NAALADL2: variants seen among roughly 807,000 people sequenced by gnomAD.
NAALADL2 encodes N-acetylated alpha-linked acidic dipeptidase like 2, also known as inactive N-acetylated-alpha-linked acidic dipeptidase-like protein 2.
In NAALADL2, 76 loss-of-function variants were observed where a neutral mutation model predicts 87.2. That is an observed-to-expected ratio of 0.87 (90% CI 0.72 to 1.05). The LOEUF (loss-of-function observed/expected upper bound fraction) is 1.05, where lower values mean the gene tolerates loss of function less well. NAALADL2 is among the 50% of genes least tolerant of loss of function. The pLI, the probability that NAALADL2 is intolerant of heterozygous loss-of-function variation, is 0.00. For missense variants in NAALADL2, 1,089 were observed against 945.8 expected, an observed-to-expected ratio of 1.15 and a Z score of -1.99; for synonymous variants, 354 against 331.0, an observed-to-expected ratio of 1.07 and a Z score of -0.75.
At chr3:175,651,571 C>T (rs1436747107) in intron 11 of NAALADL2, among the ~76,000 whole-genome samples, 1 of 152,118 alleles carries the variant, frequency 6.6e-6, no homozygotes, top group Non-Finnish European at 1.5e-5. Context: ...ATAGGAACAA[C>T]ATAACAGAAG....
intron 1 of NAALADL2, among the ~76,000 whole-genome samples, chr3:175,039,564 C>T (rs985011077): frequency 4.6e-5 from 7 of 152,000 alleles, no homozygotes; most frequent in East Asian, 1.9e-4. Flanking sequence ...TAGTCTCCTT[C>T]GTAGTTGATC....
chr3:175,115,869 T>G (rs1725043097), intron 2 of NAALADL2, among the ~76,000 whole-genome samples: 1 of 151,696 alleles, frequency 6.6e-6, no homozygotes, highest in Non-Finnish European at 1.5e-5. Context: ...CAGCAGCACA[T>G]CAAAAAGCTT....
intron 2 of NAALADL2, among the ~76,000 whole-genome samples, chr3:175,106,960 A>G (rs1337884156): frequency 2.6e-5 from 4 of 152,034 alleles, no homozygotes; most frequent in Admixed American, 2.0e-4. Context: ...AATTTTTCCA[A>G]TGGATATTTC....
chr3:175,130,315 A>G (rs1599411), intron 2 of NAALADL2, among the ~76,000 whole-genome samples: 83,600 of 151,854 alleles, frequency 0.55, 23,590 homozygotes, highest in African/African-American at 0.67. Context: ...TTTGTTGATT[A>G]TTTCCTTGCT....
intron 2 of NAALADL2, among the ~76,000 whole-genome samples, chr3:175,105,130 A>T (rs1323261511): frequency 6.6e-6 from 1 of 152,148 alleles, no homozygotes; most frequent in Non-Finnish European, 1.5e-5. Context: ...GATCTGGCTC[A>T]GGTGCCCACT....
intron 3 of NAALADL2, among the ~76,000 whole-genome samples, chr3:174,784,901 A>G (rs925833104): frequency 1.3e-5 from 2 of 152,202 alleles, no homozygotes; most frequent in Non-Finnish European, 2.9e-5. Flanking sequence ...TGTCTGGAAT[A>G]TTTCATTTAA....
intron 11 of NAALADL2, among the ~76,000 whole-genome samples, chr3:175,695,249 A>G (rs1737603549): frequency 1.3e-5 from 2 of 152,166 alleles, no homozygotes; most frequent in South Asian, 4.1e-4. Context: ...AATATTCTCA[A>G]ACTGTAGATG....
chr3:175,448,338 G>T (rs1449753507), intron 6 of NAALADL2, among the ~76,000 whole-genome samples: 2 of 152,208 alleles, frequency 1.3e-5, no homozygotes, highest in African/African-American at 2.4e-5. Context: ...TTTTGTTTCT[G>T]CCATTTATTC....
chr3:175,346,229 C>T lies in NAALADL2; in HGVS notation c.1090+21904C>T, dbSNP rs762750125. Among the ~76,000 whole-genome samples the T allele has an allele frequency of 2.0e-4, 30 of 151,940 alleles. 1 individual carries two copies. The highest frequency in any genetic ancestry group is 1.6e-3 in the Admixed American group (25 of 15,256). On this transcript the variant is annotated intron_variant, in intron 5 of 13. Transcript: ENST00000454872. Reference sequence around the variant, plus strand: ...AAAGAAGCCTTCTGAAATTCTGCCACACAGAGATAAACTTCACTGATTTTT... The same window carrying T: ...AAAGAAGCCTTCTGAAATTCTGCCATACAGAGATAAACTTCACTGATTTTT...
intron 1 of NAALADL2, among the ~76,000 whole-genome samples, chr3:175,085,261 G>A (rs1370020774): frequency 6.6e-6 from 1 of 152,098 alleles, no homozygotes; most frequent in Non-Finnish European, 1.5e-5. Context: ...TCGTTCTGAT[G>A]TTAACTTACT....
At chr3:174,843,527 C>T (rs1361847549) in intron 3 of NAALADL2, among the ~76,000 whole-genome samples, 1 of 152,106 alleles carries the variant, frequency 6.6e-6, no homozygotes, top group Non-Finnish European at 1.5e-5. Context: ...TTTCAACATA[C>T]TAATTTCACT....
rs570498861 is a variant in NAALADL2 at position 175,233,163 on chromosome 3, A to G, written c.546-768A>G. Among the ~76,000 whole-genome samples, 32 of 152,316 alleles carry G rather than the reference A, an allele frequency of 2.1e-4. No homozygotes were observed. In the East Asian group the frequency reaches 6.2e-3, roughly 29 times the overall value. ...AAACATTGTGCTCATAGCATCATGTAATTTGGCATAAAATTTGTATCTAAA... is the reference window on the plus strand; with the variant it reads ...AAACATTGTGCTCATAGCATCATGTGATTTGGCATAAAATTTGTATCTAAA... On this transcript the variant is annotated intron_variant, in intron 2 of 13. Coordinates refer to ENST00000454872, the MANE Select transcript of NAALADL2 (RefSeq NM_207015.3).
intron 5 of NAALADL2, among the ~76,000 whole-genome samples, chr3:175,370,151 G>C (rs11920100): frequency 0.068 from 10,353 of 152,116 alleles, 682 homozygotes; most frequent in African/African-American, 0.17. Flanking sequence ...CAAACTCTGA[G>C]TAAAATGGAG....
At chr3:175,210,278 A>G (rs1018614094) in intron 2 of NAALADL2, among the ~76,000 whole-genome samples, 1 of 151,840 alleles carries the variant, frequency 6.6e-6, no homozygotes, top group East Asian at 1.9e-4. Context: ...TATAAAGCAT[A>G]TTGTTTTTGC....
At chr3:174,573,625 G>A (rs1715176605) in intron 2 of NAALADL2, among the ~76,000 whole-genome samples, 2 of 152,142 alleles carry the variant, frequency 1.3e-5, no homozygotes, top group Non-Finnish European at 1.5e-5. Context: ...ATTGCAGAAA[G>A]TGAACAAGAG....
chr3:174,916,821 A>G (rs1255343771), intron 1 of NAALADL2, among the ~76,000 whole-genome samples: 2 of 152,124 alleles, frequency 1.3e-5, no homozygotes, highest in East Asian at 3.9e-4. Context: ...TAAAAAACTT[A>G]TCCATGTAAC....
chr3:175,188,570 C>A (rs1257473190), intron 2 of NAALADL2, among the ~76,000 whole-genome samples: 1 of 152,138 alleles, frequency 6.6e-6, no homozygotes, highest in East Asian at 1.9e-4. Context: ...GCTGTGCCAT[C>A]TCATCCTCCA....
intron 1 of NAALADL2, among the ~76,000 whole-genome samples, chr3:175,065,718 A>G (rs1228329097): frequency 6.6e-6 from 1 of 152,156 alleles, no homozygotes; most frequent in African/African-American, 2.4e-5. Context: ...GTCATGGAGA[A>G]AAAAAAGAGA....
rs1212149960 is a variant in NAALADL2 at position 175,807,697 on chromosome 3, AAAC to A, written c.*4497_*4499del. ...GGACCATGGATACAGTGCAGGGAAA[AAAC>A]AAACAAACAATATTTGAGAAAATAT... On this transcript the variant is annotated 3_prime_UTR_variant, in exon 14 of 14. Coordinates refer to ENST00000454872, the MANE Select transcript of NAALADL2 (RefSeq NM_207015.3). 4 of 151,834 alleles carry A rather than the reference AAAC, an allele frequency of 2.6e-5. No homozygotes were observed. Among genetic ancestry groups the A allele is most frequent in the African/African-American group, 9.7e-5 (4 of 41,402 alleles). The allele number at this position is 151,834 out of a possible 1,614,324, so 9.4% of individuals were successfully genotyped here.
Sources: gnomAD v4.1 joint callset for allele counts (sites outside exome capture counted in the v4.1 genomes callset) on GRCh38, gnomAD v4.1.1 for gene constraint, MANE v1.5 for transcripts, NCBI Gene and HGNC (gene_info 2026-07-23, HGNC 2026-07-21) for gene names.